NLRP7: variants seen among roughly 807,000 people sequenced by gnomAD.
The protein encoded by NLRP7 is NACHT, LRR and PYD domains-containing protein 7.
In NLRP7, 72 loss-of-function variants were observed where a neutral mutation model predicts 85.5. The ratio of observed to expected loss-of-function variants is 0.84; its 90% CI spans 0.70 to 1.02. The LOEUF is 1.02. NLRP7 is among the 50% of genes least tolerant of loss of function. The pLI is 0.00. For synonymous variants in NLRP7, 550 were observed against 505.2 expected, an observed-to-expected ratio of 1.09 and a Z score of -1.19; for missense variants, 1,243 against 1,219.5, an observed-to-expected ratio of 1.02 and a Z score of -0.29.
rs1462749805 is a variant in NLRP7 at position 54,934,268 on chromosome 19, G to C, written c.2471+221C>G. ...TTTTTGGTATTTTTAATAGAAACAG[G>C]GTTTCACCATGTTGGCCAGGTTGGT... On this transcript the variant is annotated intron_variant, in intron 7 of 9. Coordinates refer to ENST00000340844, the Ensembl canonical transcript of NLRP7. The surrounding 1 kb of genome is among the most constrained non-coding windows in gnomAD (Gnocchi z 6.7). Among the ~76,000 whole-genome samples the C allele has an allele frequency of 6.6e-6, 1 of 152,130 alleles. No homozygotes were observed. The highest frequency in any genetic ancestry group is 2.4e-5 in the African/African-American group (1 of 41,440).
upstream of NLRP7, among the ~76,000 whole-genome samples, chr19:54,948,194 G>A (rs1172235737): frequency 1.3e-5 from 2 of 152,132 alleles, no homozygotes; most frequent in East Asian, 3.9e-4. Flanking sequence ...GACCAGACTG[G>A]CCAACGTGGT....
At chr19:54,961,204 C>A (rs1321299331) in intron 1 of NLRP7, among the ~76,000 whole-genome samples, 1 of 151,708 alleles carries the variant, frequency 6.6e-6, no homozygotes, top group African/African-American at 2.4e-5. Context: ...GAGACCCAGT[C>A]TCTAGTTAAA....
At chr19:54,943,579 C>T (rs775889) in intron 1 of NLRP7, among the ~76,000 whole-genome samples, 142 of 138,958 alleles carry the variant, frequency 1.0e-3, no homozygotes, top group African/African-American at 3.5e-3. Flanking sequence ...CCAGCCTGGG[C>T]GACAGAGCGA....
At chr19:54,944,346 C>T (rs917520821) in intron 1 of NLRP7, among the ~76,000 whole-genome samples, 6 of 151,828 alleles carry the variant, frequency 4.0e-5, no homozygotes, top group African/African-American at 7.3e-5. Context: ...CTCTTTAATG[C>T]ACCAGATATG....
chr19:54,928,658 G>T (rs2068545812), intron 9 of NLRP7, among the ~76,000 whole-genome samples: 1 of 152,096 alleles, frequency 6.6e-6, no homozygotes, highest in South Asian at 2.1e-4. Flanking sequence ...AGAAACTGAA[G>T]GATGGTAGAT....
At chr19:54,950,647 G>C (rs1280481152), upstream of NLRP7, among the ~76,000 whole-genome samples, 1 of 151,738 alleles carries the variant, frequency 6.6e-6, no homozygotes, top group Non-Finnish European at 1.5e-5. Context: ...ATTGCTGCCC[G>C]CATGTCCCAC....
At chr19:54,933,762 G>C in intron 7 of NLRP7, 23 bp from the exon 8 acceptor site, 1 of 1,604,354 alleles carries the variant, frequency 6.2e-7, no homozygotes, top group Non-Finnish European at 8.5e-7. Context: ...GAAACAAATG[G>C]TAGAAGGATG....
chr19:54,946,090 C>G (rs1408758040), intron 1 of NLRP7, among the ~76,000 whole-genome samples: 1 of 151,288 alleles, frequency 6.6e-6, no homozygotes, highest in Non-Finnish European at 1.5e-5. Flanking sequence ...CGCGCCCGGC[C>G]GAGACAGGGT....
At chr19:54,956,831 T>C (rs2069873085) in intron 1 of NLRP7, among the ~76,000 whole-genome samples, 1 of 151,374 alleles carries the variant, frequency 6.6e-6, no homozygotes, top group East Asian at 2.0e-4. Flanking sequence ...GGTTTCACCA[T>C]GTTGGCCAGG....
At chr19:54,926,224 G>GTC (rs2068433501) in intron 9 of NLRP7, among the ~76,000 whole-genome samples, 1 of 151,166 alleles carries the variant, frequency 6.6e-6, no homozygotes, top group Admixed American at 6.6e-5. Flanking sequence ...GTGTGTGTGT[G>GTC]TGTGCTCATG....
chr19:54,965,922 AATAAT>A (rs1447279219), intron 1 of NLRP7: 2 of 68,826 alleles, frequency 2.9e-5, no homozygotes, highest in South Asian at 9.4e-4. Flanking sequence ...TTAAAAATAA[AATAAT>A]AATAATACTG....
At chr19:54,950,851 C>A (rs553295140), upstream of NLRP7, among the ~76,000 whole-genome samples, 1 of 152,150 alleles carries the variant, frequency 6.6e-6, no homozygotes, top group African/African-American at 2.4e-5. Flanking sequence ...GGCTGAGGGA[C>A]GGTCAGGTCT....
intron 1 of NLRP7, among the ~76,000 whole-genome samples, chr19:54,952,626 G>T (rs1353995725): frequency 6.6e-6 from 1 of 151,220 alleles, no homozygotes; most frequent in Non-Finnish European, 1.5e-5. Context: ...CCAAACTTCT[G>T]GGGGAGATGG....
chr19:54,954,392 C>A lies in NLRP7; in HGVS notation c.-76-6887G>T, dbSNP rs187444040. Among the ~76,000 whole-genome samples, 7 of 142,760 alleles carry A rather than the reference C, an allele frequency of 4.9e-5. 1 individual carries two copies. The highest frequency in any genetic ancestry group is 1.1e-4 in the Non-Finnish European group (7 of 65,136). The allele number at this position is 142,760 out of a possible 152,430, so 93.7% of individuals were successfully genotyped here. On this transcript the variant is annotated intron_variant, in intron 1 of 2. Coordinates refer to the NLRP7 transcript ENST00000587103. ...AAAAATACAACTAATTAGCTGGGTGCGGTGGCGGGCGCCTGTAGTCCCAGC... is the reference window on the plus strand; with the variant it reads ...AAAAATACAACTAATTAGCTGGGTGAGGTGGCGGGCGCCTGTAGTCCCAGC...
At position 54,934,678 on chromosome 19, in the gene NLRP7, A is replaced by G; in HGVS notation, c.2301-19T>C. On this transcript the variant is annotated intron_variant, in intron 6 of 9. Coordinates refer to ENST00000340844, the Ensembl canonical transcript of NLRP7. This position sits in a 1 kb window ranked among gnomAD's most constrained non-coding sequence, Gnocchi z 6.7. ...TCCCAACCTGTGAAAAGAGTGGGAA[A>G]AGTCATTCTTCTGGGAGGACAGAGT... 6.2e-7 allele frequency: 1 copy of G among 1,606,976 alleles called. No homozygotes were observed. The highest frequency in any genetic ancestry group is 8.5e-7 in the Non-Finnish European group (1 of 1,176,120).
chr19:54,939,454 G>A (rs1402038726), exon 4 of NLRP7: 1 of 1,613,940 alleles, frequency 6.2e-7, no homozygotes, highest in Non-Finnish European at 8.5e-7. Context: ...CTCTGTCCTG[G>A]CGGAGGATGT....
At chr19:54,930,453 C>T (rs1170994889) in intron 9 of NLRP7, 46 bp downstream of exon 9, 1 of 1,366,032 alleles carries the variant, frequency 7.3e-7, no homozygotes, top group East Asian at 2.3e-5. Context: ...CAGAGCAAGA[C>T]CCTGTCTCAA....
At chr19:54,931,672 C>T (rs1440980085) in intron 8 of NLRP7, among the ~76,000 whole-genome samples, 3 of 67,798 alleles carry the variant, frequency 4.4e-5, no homozygotes, top group East Asian at 5.1e-4. Context: ...TGGGCAAGAG[C>T]GAAACTCCAT....
At chr19:54,962,131 C>A (rs1467553165) in intron 1 of NLRP7, among the ~76,000 whole-genome samples, 1 of 145,034 alleles carries the variant, frequency 6.9e-6, no homozygotes, top group Non-Finnish European at 1.5e-5. Context: ...CCATTGCACT[C>A]CAGCCTGGGC....
Sources: gnomAD v4.1 joint callset for allele counts (sites outside exome capture counted in the v4.1 genomes callset) on GRCh38, gnomAD v4.1.1 for gene constraint, Gnocchi (gnomAD v3.1) non-coding constraint, MANE v1.5 for transcripts, NCBI Gene and HGNC (gene_info 2026-07-23, HGNC 2026-07-21) for gene names.